Variants in HS3ST5 observed in about 807,000 individuals in gnomAD.
HS3ST5 encodes heparan sulfate glucosamine 3-O-sulfotransferase 5.
HS3ST5 carries 10 observed loss-of-function variants against 25.4 expected under a neutral mutation model. The observed-to-expected ratio is 0.39, with a 90% CI of 0.24 to 0.67. The LOEUF is 0.67. HS3ST5 is among the 30% of genes least tolerant of loss of function. HS3ST5 has a pLI of 0.44. For synonymous variants in HS3ST5, 170 were observed against 162.4 expected, an observed-to-expected ratio of 1.05 and a Z score of -0.36; for missense variants, 324 against 420.7, an observed-to-expected ratio of 0.77 and a Z score of 2.01.
chr6:114,092,895 G>A (rs959369982), intron 3 of HS3ST5, among the ~76,000 whole-genome samples: 2 of 151,950 alleles, frequency 1.3e-5, no homozygotes, highest in Non-Finnish European at 2.9e-5. Flanking sequence ...GGCTGGTCTC[G>A]AACTCCTGAC....
intron 1 of HS3ST5, among the ~76,000 whole-genome samples, chr6:114,341,886 C>G (rs1418421612): frequency 6.6e-6 from 1 of 152,144 alleles, no homozygotes. Context: ...AAAGAGAGCG[C>G]TACCCAGCGC....
intron 1 of HS3ST5, among the ~76,000 whole-genome samples, chr6:114,308,657 T>C (rs1324828367): frequency 1.3e-5 from 2 of 152,058 alleles, no homozygotes; most frequent in East Asian, 1.9e-4. Context: ...CAAGAAAGAA[T>C]AGCTCTTTCA....
At chr6:114,133,069 C>G (rs545797897) in intron 3 of HS3ST5, among the ~76,000 whole-genome samples, 3 of 152,136 alleles carry the variant, frequency 2.0e-5, no homozygotes, top group Admixed American at 6.5e-5. Context: ...CCTCTTACCC[C>G]CTATTTGTCA....
intron 1 of HS3ST5, among the ~76,000 whole-genome samples, chr6:114,306,894 G>A (rs1039388972): frequency 2.6e-5 from 4 of 152,060 alleles, no homozygotes; most frequent in Admixed American, 2.0e-4. Context: ...TAGGACATAC[G>A]ATCACTTATT....
chr6:114,252,658 T>G (rs1330903905), intron 1 of HS3ST5, among the ~76,000 whole-genome samples: 2 of 152,054 alleles, frequency 1.3e-5, no homozygotes, highest in African/African-American at 4.8e-5. Flanking sequence ...AAAAGTCATC[T>G]ACCTATAAAG....
At chr6:114,197,408 A>G (rs1054257296) in intron 2 of HS3ST5, among the ~76,000 whole-genome samples, 5 of 152,056 alleles carry the variant, frequency 3.3e-5, no homozygotes, top group Non-Finnish European at 5.9e-5. Context: ...CTATTCTTAC[A>G]TATTTATCCT....
At chr6:114,079,021 A>T (rs1254150853) in intron 3 of HS3ST5, among the ~76,000 whole-genome samples, 1 of 152,232 alleles carries the variant, frequency 6.6e-6, no homozygotes, top group Non-Finnish European at 1.5e-5. Context: ...CCTTAATTTT[A>T]AAATATTGTA....
intron 3 of HS3ST5, among the ~76,000 whole-genome samples, chr6:114,087,549 T>C (rs1331256023): frequency 1.3e-5 from 2 of 152,238 alleles, no homozygotes; most frequent in African/African-American, 4.8e-5. Context: ...ATTAGATGTT[T>C]GATCCTTGTT....
At chr6:114,310,640 C>T (rs1446042954) in intron 1 of HS3ST5, among the ~76,000 whole-genome samples, 2 of 151,684 alleles carry the variant, frequency 1.3e-5, no homozygotes, top group Non-Finnish European at 2.9e-5. Flanking sequence ...TGCTCTTTGA[C>T]TTGCAATAGT....
chr6:114,099,986 A>G (rs1775641199), intron 3 of HS3ST5, among the ~76,000 whole-genome samples: 1 of 152,142 alleles, frequency 6.6e-6, no homozygotes, highest in African/African-American at 2.4e-5. Flanking sequence ...TAGTTTTCCT[A>G]CAGTCTGAAG....
chr6:114,323,597 T>C (rs1250100592), intron 1 of HS3ST5, among the ~76,000 whole-genome samples: 1 of 152,136 alleles, frequency 6.6e-6, no homozygotes, highest in Non-Finnish European at 1.5e-5. Flanking sequence ...TCTGTAAAAG[T>C]ATAATGTGGA....
chr6:114,301,880 G>A (rs890797340), intron 1 of HS3ST5, among the ~76,000 whole-genome samples: 3 of 152,150 alleles, frequency 2.0e-5, no homozygotes, highest in Non-Finnish European at 4.4e-5. Context: ...AGGAATGGAA[G>A]GGCAACCAAG....
At chr6:114,143,998 C>G (rs1778034043) in intron 3 of HS3ST5, 1 of 152,174 alleles carries the variant, frequency 6.6e-6, no homozygotes, top group African/African-American at 2.4e-5. Flanking sequence ...ATATTATTCT[C>G]AAATAAAACA....
intron 3 of HS3ST5, among the ~76,000 whole-genome samples, chr6:114,144,654 A>G (rs1778067008): frequency 6.6e-6 from 1 of 152,152 alleles, no homozygotes; most frequent in South Asian, 2.1e-4. Flanking sequence ...ATTGTTTTAA[A>G]CATATTTTAA....
At chr6:114,273,959 T>C (rs1265138220) in intron 1 of HS3ST5, among the ~76,000 whole-genome samples, 1 of 151,620 alleles carries the variant, frequency 6.6e-6, no homozygotes, top group African/African-American at 2.4e-5. Flanking sequence ...AAATTATAGA[T>C]GGAAGAAATA....
chr6:114,290,487 T>G (rs766247983), intron 1 of HS3ST5, among the ~76,000 whole-genome samples: 10 of 152,156 alleles, frequency 6.6e-5, no homozygotes, highest in Admixed American at 1.3e-4. Context: ...AAGATCATAC[T>G]AAAATTGGAG....
At position 114,088,328 on chromosome 6, in the gene HS3ST5, T is replaced by G. The variant is rs889845515; in HGVS notation, c.-32-25451A>C. Among the ~76,000 whole-genome samples the G allele has an allele frequency of 1.3e-4, 20 of 152,224 alleles. 1 individual carries two copies. The highest frequency in any genetic ancestry group is 4.6e-4 in the African/African-American group (19 of 41,560). ...TATGAAATGTCCACCATGGCCAGTA[T>G]TTTTTCAGAGATTCTGTGCTTTCTT... is the stretch of plus-strand genomic sequence containing the variant. On this transcript the variant is annotated intron_variant, in intron 3 of 4. Transcript: ENST00000312719.
intron 1 of HS3ST5, among the ~76,000 whole-genome samples, chr6:114,341,659 G>GC (rs760946405): frequency 3.3e-5 from 5 of 151,718 alleles, no homozygotes; most frequent in East Asian, 3.9e-4. Context: ...GGTGTGGGGG[G>GC]GGCCAGCTGG....
At chr6:114,132,461 C>T (rs903475554) in intron 3 of HS3ST5, among the ~76,000 whole-genome samples, 1 of 152,186 alleles carries the variant, frequency 6.6e-6, no homozygotes. Flanking sequence ...CCAAGGTAGT[C>T]AGAAAGAGAG....
Sources: gnomAD v4.1 joint callset for allele counts (sites outside exome capture counted in the v4.1 genomes callset) on GRCh38, gnomAD v4.1.1 for gene constraint, MANE v1.5 for transcripts, NCBI Gene and HGNC (gene_info 2026-07-23, HGNC 2026-07-21) for gene names.